OSBPL10: variants seen among roughly 807,000 people sequenced by gnomAD.
The protein encoded by OSBPL10 is oxysterol-binding protein-related protein 10.
In OSBPL10, 49 loss-of-function variants were observed where a neutral mutation model predicts 81.7. That is an observed-to-expected ratio of 0.60 (90% confidence interval 0.48 to 0.76). The LOEUF (loss-of-function observed/expected upper bound fraction) is 0.76. OSBPL10 is among the 30% of genes least tolerant of loss of function. The pLI, the probability that OSBPL10 is intolerant of heterozygous loss-of-function variation, is 0.00. For missense variants in OSBPL10, 923 were observed against 987.8 expected (o/e 0.93, Z 0.88); for synonymous variants, 419 against 383.6 (o/e 1.09, Z -1.08).
intron 2 of OSBPL10, chr3:31,991,274 C>A (rs139660663): frequency 0.013 from 3,978 of 316,842 alleles, 37 homozygotes; most frequent in Middle Eastern, 0.027. Flanking sequence ...ACGTGAGCCA[C>A]TTTTCCTAGC....
At chr3:31,705,372 AC>A (rs3840254) in intron 6 of OSBPL10, among the ~76,000 whole-genome samples, 26,241 of 128,828 alleles carry the variant, frequency 0.2, 2,888 homozygotes, top group East Asian at 0.44. Flanking sequence ...CAAAGAGAAG[AC>A]CCCCCCCCCC....
At chr3:31,784,938 G>A (rs1698825563) in intron 4 of OSBPL10, among the ~76,000 whole-genome samples, 1 of 152,000 alleles carries the variant, frequency 6.6e-6, no homozygotes. Flanking sequence ...GGAGTGAAGT[G>A]CAGTAGTACA....
chr3:31,996,971 G>A (rs1193046991), intron 2 of OSBPL10, among the ~76,000 whole-genome samples: 1 of 152,098 alleles, frequency 6.6e-6, no homozygotes, highest in Non-Finnish European at 1.5e-5. Context: ...AGAAGCCAGA[G>A]GAAAGGAAAT....
chr3:31,784,993 T>C lies in OSBPL10; in HGVS notation c.730-36873A>G, dbSNP rs552470685. ...TCTGTCTCCCAGGTTCAAGCAATTC[T>C]CCTGCCTCAGCCTCCTGAGTAGCTG... On this transcript the variant is annotated intron_variant, in intron 4 of 11. Coordinates refer to ENST00000396556, the MANE Select transcript of OSBPL10 (RefSeq NM_017784.5). Among the ~76,000 whole-genome samples the C allele has an allele frequency of 1.1e-3, 165 of 152,250 alleles. 1 individual carries two copies. Among genetic ancestry groups the C allele is most frequent in the Middle Eastern group, 3.4e-3 (1 of 294 alleles).
Position 31,981,090 on chromosome 3 carries a change from C to T in OSBPL10, c.90G>A (p.Ser30=). Residue 30 remains serine, a synonymous_variant, in exon 1 of 12, where the codon TCG becomes TCA. Coordinates refer to ENST00000396556, the MANE Select transcript of OSBPL10 (RefSeq NM_017784.5). The surrounding 1 kb of genome is among the most constrained non-coding windows in gnomAD (Gnocchi z 4.5). ...CCCGGCCCGCCAGAGAGCAGGAGGG[C>T]GAGGAGCCCGCCGAGGTAGCACGGC... is the stretch of plus-strand genomic sequence containing the variant. ...SSSRATSAGS[S]PSCSLAGRGV... is the part of the protein sequence containing the mutation. 6.7e-7 allele frequency: 1 copy of T among 1,492,226 alleles called. No individual in the cohort carries two copies. Among genetic ancestry groups the T allele is most frequent in the Non-Finnish European group, 8.9e-7 (1 of 1,125,670 alleles). The allele number at this position is 1,492,226 out of a possible 1,614,324, so 92.4% of individuals were successfully genotyped here. A position where few individuals can be genotyped will look rare whatever the true frequency, so the allele number is the denominator to read the frequency against.
chr3:31,675,419 C>T (rs1187711903), intron 8 of OSBPL10, among the ~76,000 whole-genome samples: 1 of 152,152 alleles, frequency 6.6e-6, no homozygotes, highest in African/African-American at 2.4e-5. Context: ...TCCTCCGTCA[C>T]TCACCAGCCT....
chr3:31,823,748 G>C (rs895725945), intron 4 of OSBPL10, among the ~76,000 whole-genome samples: 1 of 152,040 alleles, frequency 6.6e-6, no homozygotes, highest in Non-Finnish European at 1.5e-5. Context: ...TTGGAATCTA[G>C]AGTGCGTGTT....
At chr3:31,956,330 T>G (rs924295847) in intron 1 of OSBPL10, among the ~76,000 whole-genome samples, 2 of 152,200 alleles carry the variant, frequency 1.3e-5, no homozygotes, top group Non-Finnish European at 2.9e-5. Context: ...CATCAGGTTC[T>G]ATTAATATCA....
chr3:31,999,728 C>T (rs1039164620), intron 2 of OSBPL10, among the ~76,000 whole-genome samples: 4 of 152,140 alleles, frequency 2.6e-5, no homozygotes, highest in Non-Finnish European at 5.9e-5. Context: ...AATATGGCTG[C>T]CTCTGCTATG....
chr3:32,075,407 C>G (rs1699865135), intron 1 of OSBPL10, among the ~76,000 whole-genome samples: 1 of 152,316 alleles, frequency 6.6e-6, no homozygotes, highest in African/African-American at 2.4e-5. Flanking sequence ...CTTGGACACT[C>G]TTTAATTGGA....
rs938789567 is a variant in OSBPL10 at position 31,786,347 on chromosome 3, C to T, written c.730-38227G>A. 2.6e-5 allele frequency among the ~76,000 whole-genome samples: 4 copies of T among 152,052 alleles called. No homozygotes were observed. The East Asian group carries it at 5.8e-4, about 22-fold the overall frequency. ...TTTTGGCTTAAGATTTTTTGAGTCA[C>T]GTTTTAAAAAGCCTTCTCCATCCTG... On this transcript the variant is annotated intron_variant, in intron 4 of 11. Coordinates refer to ENST00000396556, the MANE Select transcript of OSBPL10 (RefSeq NM_017784.5).
chr3:32,060,851 T>C lies in OSBPL10; in HGVS notation n.186-14248A>G, dbSNP rs559448579. On this transcript the variant is annotated intron_variant and non_coding_transcript_variant, in intron 1 of 3. Transcript: ENST00000479173. Reference sequence around the variant, plus strand: ...CCAGCCGTGGTGGCAATCTCAGCTGTAATCTCAGCTACTCGGGAGGCTGAG... The same window carrying C: ...CCAGCCGTGGTGGCAATCTCAGCTGCAATCTCAGCTACTCGGGAGGCTGAG... 1.3e-4 allele frequency among the ~76,000 whole-genome samples: 11 copies of C among 87,160 alleles called. 1 individual carries two copies. The highest frequency in any genetic ancestry group is 3.2e-4 in the African/African-American group (11 of 34,326). The allele number at this position is 87,160 out of a possible 152,430, so 57.2% of individuals were successfully genotyped here.
intron 7 of OSBPL10, among the ~76,000 whole-genome samples, chr3:31,696,935 C>T (rs1695738718): frequency 6.6e-6 from 1 of 152,178 alleles, no homozygotes; most frequent in Admixed American, 6.5e-5. Flanking sequence ...TTTGTGATAG[C>T]CCCAACATCT....
chr3:32,018,553 T>C (rs999409059), intron 2 of OSBPL10, among the ~76,000 whole-genome samples: 1 of 152,026 alleles, frequency 6.6e-6, no homozygotes, highest in Non-Finnish European at 1.5e-5. Context: ...GCTGTAAAAA[T>C]GCAAGACACG....
At chr3:31,912,188 G>A (rs973651947) in intron 1 of OSBPL10, among the ~76,000 whole-genome samples, 1 of 152,124 alleles carries the variant, frequency 6.6e-6, no homozygotes, top group Admixed American at 6.5e-5. Flanking sequence ...GAGGTCAGGA[G>A]TTTGAGACCA....
intron 3 of OSBPL10, among the ~76,000 whole-genome samples, chr3:31,845,463 A>T (rs1487486307): frequency 6.6e-6 from 1 of 152,238 alleles, no homozygotes; most frequent in East Asian, 1.9e-4. Context: ...TAGAGAGATG[A>T]GACCAGGATC....
intron 1 of OSBPL10, among the ~76,000 whole-genome samples, chr3:31,912,214 T>C (rs1195479549): frequency 2.0e-5 from 3 of 151,862 alleles, no homozygotes; most frequent in Non-Finnish European, 4.4e-5. Context: ...GCTAACACGG[T>C]GAAACTCCGT....
intron 4 of OSBPL10, among the ~76,000 whole-genome samples, chr3:31,760,057 C>T (rs1408158016): frequency 6.6e-6 from 1 of 152,026 alleles, no homozygotes; most frequent in Non-Finnish European, 1.5e-5. Flanking sequence ...CCACCATGCC[C>T]GGCCAAGAGA....
At chr3:31,980,488 G>A (rs1367468719) in intron 1 of OSBPL10, among the ~76,000 whole-genome samples, 3 of 152,190 alleles carry the variant, frequency 2.0e-5, no homozygotes, top group Non-Finnish European at 4.4e-5. Flanking sequence ...CGGAGCGGAC[G>A]TGCTAACGCT....
Sources: gnomAD v4.1 joint callset for allele counts (sites outside exome capture counted in the v4.1 genomes callset) on GRCh38, gnomAD v4.1.1 for gene constraint, Gnocchi (gnomAD v3.1) non-coding constraint, MANE v1.5 for transcripts, NCBI Gene and HGNC (gene_info 2026-07-23, HGNC 2026-07-21) for gene names.